The following SNAP91 variants were observed in gnomAD, a reference collection of about 807,000 sequenced individuals.
The protein encoded by SNAP91 is clathrin coat assembly protein AP180.
Under a neutral mutation model 100.3 loss-of-function variants are expected in SNAP91, and 27 were observed. The observed-to-expected ratio is 0.27, with a 90% confidence interval of 0.20 to 0.37. The LOEUF is 0.37. Among genes scored for constraint, SNAP91 ranks in the 10% least tolerant of loss-of-function variants. The pLI, the probability that SNAP91 is intolerant of heterozygous loss-of-function variation, is 1.00. For missense variants in SNAP91, 986 were observed against 1,123.7 expected (o/e 0.88, Z 1.75); for synonymous variants, 404 against 398.6 (o/e 1.01, Z -0.16).
rs183531881 is a variant in SNAP91 at position 83,648,946 on chromosome 6, C to T, written c.659-7744G>A. The stretch of plus-strand genomic sequence containing the variant: ...GAGCATGAGTAATTTTGATGAAGTC[C>T]AATTTGTTAACTTTCTCTTTTATAG... On this transcript the variant is annotated intron_variant, in intron 7 of 29. Coordinates refer to ENST00000369694, the MANE Select transcript of SNAP91 (RefSeq NM_001242792.2). Among the ~76,000 whole-genome samples, 124 of 152,166 alleles carry T rather than the reference C, an allele frequency of 8.1e-4. No homozygotes were observed. The South Asian group carries it at 0.013, about 16-fold the overall frequency.
At chr6:83,682,580 TTTTTA>T (rs900852446) in intron 2 of SNAP91, among the ~76,000 whole-genome samples, 98 of 152,034 alleles carry the variant, frequency 6.4e-4, no homozygotes, top group African/African-American at 2.2e-3. Flanking sequence ...TTTTTAAATT[TTTTTA>T]TTTTATTATT....
intron 29 of SNAP91, among the ~76,000 whole-genome samples, chr6:83,555,896 A>T (rs1327339662): frequency 6.6e-6 from 1 of 152,186 alleles, no homozygotes. Context: ...TTGCTTTATT[A>T]AAGCTAATCG....
At chr6:83,601,690 C>G (rs1384321826) in intron 14 of SNAP91, 91 bp from the exon 15 acceptor site, 2 of 1,247,830 alleles carry the variant, frequency 1.6e-6, no homozygotes, top group Non-Finnish European at 2.3e-6. Flanking sequence ...AGATAAGGCA[C>G]TAACTAAAAA....
At chr6:83,697,324 G>GCACACACA (rs57251608) in intron 2 of SNAP91, among the ~76,000 whole-genome samples, 1,701 of 138,124 alleles carry the variant, frequency 0.012, 17 homozygotes, top group East Asian at 0.043. Flanking sequence ...GAAAATAGCT[G>GCACACACA]CACACACACA....
intron 28 of SNAP91, among the ~76,000 whole-genome samples, chr6:83,558,297 A>G (rs1343333060): frequency 6.6e-6 from 1 of 152,210 alleles, no homozygotes; most frequent in African/African-American, 2.4e-5. Context: ...CATCAAGGAA[A>G]TATTTATGAT....
chr6:83,630,251 A>T (rs2097151810), intron 8 of SNAP91, among the ~76,000 whole-genome samples: 1 of 152,130 alleles, frequency 6.6e-6, no homozygotes, highest in African/African-American at 2.4e-5. Context: ...TTAGTTAGCC[A>T]GTATTTTGTT....
chr6:83,553,834 T>G lies in SNAP91; in HGVS notation c.*462A>C, dbSNP rs1562055509. Reference sequence around the variant, plus strand: ...TTTGTATATTTATGAGTGTTTTCCTTATTATCTGGTATTATCACACTACGC... The same window carrying G: ...TTTGTATATTTATGAGTGTTTTCCTGATTATCTGGTATTATCACACTACGC... On this transcript the variant is annotated 3_prime_UTR_variant, in exon 30 of 30. Coordinates refer to ENST00000369694, the MANE Select transcript of SNAP91 (RefSeq NM_001242792.2). The G allele has an allele frequency of 6.6e-6, 1 of 152,222 alleles. No homozygotes were observed. Among genetic ancestry groups the G allele is most frequent in the Non-Finnish European group, 1.5e-5 (1 of 68,034 alleles). The allele number at this position is 152,222 out of a possible 1,614,324, so 9.4% of individuals were successfully genotyped here.
intron 2 of SNAP91, among the ~76,000 whole-genome samples, chr6:83,679,698 A>G (rs2098960796): frequency 6.6e-6 from 1 of 152,166 alleles, no homozygotes; most frequent in African/African-American, 2.4e-5. Context: ...TGACACCCCC[A>G]AATAGAACTT....
chr6:83,656,274 A>G (rs1195683950), intron 7 of SNAP91, among the ~76,000 whole-genome samples: 3 of 152,196 alleles, frequency 2.0e-5, no homozygotes, highest in Admixed American at 1.3e-4. Context: ...TCCCACAAAA[A>G]GGCTCTTTCT....
chr6:83,685,686 C>T (rs555987361), intron 2 of SNAP91, among the ~76,000 whole-genome samples: 16 of 152,076 alleles, frequency 1.1e-4, no homozygotes, highest in Admixed American at 2.0e-4. Context: ...GAACCTGCTT[C>T]GGGACTTCTA....
chr6:83,610,348 A>G lies in SNAP91; in HGVS notation c.912+302T>C, dbSNP rs137873694. ...GAAGATATGCTAAGTGAAATAAACC[A>G]GTCACTAAAAGACAGATTCTATATG... is the stretch of plus-strand genomic sequence containing the variant. On this transcript the variant is annotated intron_variant, in intron 12 of 29. Transcript: ENST00000369694. 2.7e-4 allele frequency among the ~76,000 whole-genome samples: 41 copies of G among 152,062 alleles called. No homozygotes were observed. In the East Asian group the frequency reaches 7.8e-3, roughly 29 times the overall value.
rs1392668860 is a variant in SNAP91 at position 83,591,108 on chromosome 6, AAAAG to A, written c.2014+99_2014+102del. 4 of 755,412 alleles carry A rather than the reference AAAAG, an allele frequency of 5.3e-6. No homozygotes were observed. The East Asian group carries it at 1.1e-4, about 21-fold the overall frequency. 46.8% of individuals were successfully genotyped at this position (755,412 alleles called of 1,614,324 possible). Reference sequence around the variant, plus strand: ...TCCCTCAATTTTATGTCTTGAAAGAAAAAGAAAACATGCACCCTGCAATTTATGT... The same window carrying A: ...TCCCTCAATTTTATGTCTTGAAAGAAAAAACATGCACCCTGCAATTTATGT... On this transcript the variant is annotated intron_variant, in intron 22 of 29. Transcript: ENST00000369694.
At chr6:83,562,822 C>A (rs1399101750) in intron 26 of SNAP91, among the ~76,000 whole-genome samples, 1 of 152,098 alleles carries the variant, frequency 6.6e-6, no homozygotes, top group African/African-American at 2.4e-5. Flanking sequence ...GCCCACAGAT[C>A]CCTCACTCTC....
intron 2 of SNAP91, among the ~76,000 whole-genome samples, chr6:83,699,855 A>C (rs993921818): frequency 2.0e-5 from 3 of 152,232 alleles, no homozygotes; most frequent in African/African-American, 7.2e-5. Context: ...TAGAAGGCAG[A>C]TGACTGAAAT....
intron 14 of SNAP91, among the ~76,000 whole-genome samples, chr6:83,603,582 A>C (rs893990558): frequency 6.6e-6 from 1 of 152,084 alleles, no homozygotes; most frequent in Non-Finnish European, 1.5e-5. Context: ...TTATGGCTAA[A>C]ATTTGAAAAT....
At position 83,594,432 on chromosome 6, in the gene SNAP91, G is replaced by A. The variant is rs764376228; in HGVS notation, c.1374C>T (p.Ala458=). ...PGEAPAASEG[A]AAPATPTPVA... ...CAGGGGTTGGGGTAGCTGGTGCGGC[G>A]GCCCCTTCGGATGCTGCAGGGGCCT... The change falls in exon 17 of 30, where the codon GCC becomes GCT. Residue 458 remains alanine (A), a synonymous_variant. Transcript: ENST00000369694. The A allele has an allele frequency of 2.3e-5, 35 of 1,551,908 alleles. No individual in the cohort carries two copies. Among genetic ancestry groups the A allele is most frequent in the Admixed American group, 9.8e-5 (5 of 50,972 alleles).
intron 11 of SNAP91, among the ~76,000 whole-genome samples, chr6:83,611,842 G>A (rs2096112542): frequency 1.4e-5 from 2 of 146,908 alleles, no homozygotes; most frequent in South Asian, 2.2e-4. Context: ...GACTACAGGC[G>A]CCTGCCACCA....
intron 14 of SNAP91, among the ~76,000 whole-genome samples, chr6:83,604,376 G>A (rs534104105): frequency 6.6e-6 from 1 of 152,102 alleles, no homozygotes; most frequent in African/African-American, 2.4e-5. Context: ...AGCCTTAGGA[G>A]TTGAACATTT....
chr6:83,655,326 G>T (rs949628665), intron 7 of SNAP91, among the ~76,000 whole-genome samples: 6 of 152,168 alleles, frequency 3.9e-5, no homozygotes, highest in African/African-American at 1.2e-4. Flanking sequence ...AAAGCATCTG[G>T]TATAGTGTCA....
Sources: allele counts gnomAD v4.1 joint callset (sites outside exome capture counted in the v4.1 genomes callset), GRCh38; gene constraint gnomAD v4.1.1; transcripts MANE v1.5; gene names NCBI Gene and HGNC (gene_info 2026-07-23, HGNC 2026-07-21).